The following SFMBT1 variants were observed in gnomAD, a reference collection of about 807,000 sequenced individuals.
SFMBT1 encodes the protein scm-like with four MBT domains protein 1.
Under a neutral mutation model 108.7 loss-of-function variants are expected in SFMBT1, and 32 were observed. The ratio of observed to expected loss-of-function variants is 0.29; its 90% CI spans 0.22 to 0.40. The LOEUF (loss-of-function observed/expected upper bound fraction) is 0.40, where lower values mean the gene tolerates loss of function less well. SFMBT1 is among the 10% of genes least tolerant of loss of function. SFMBT1 has a pLI of 1.00. For synonymous variants in SFMBT1, 348 were observed against 369.5 expected (o/e 0.94, Z 0.67); for missense variants, 816 against 1,059.6 (o/e 0.77, Z 3.19).
intron 6 of SFMBT1, 58 bp downstream of exon 6, chr3:52,932,004 G>A: frequency 6.4e-7 from 1 of 1,555,808 alleles, no homozygotes; most frequent in Non-Finnish European, 8.7e-7. Context: ...CAGCCTCATA[G>A]ATATTAATAA....
At chr3:52,929,827 G>A (rs907498984) in intron 8 of SFMBT1, among the ~76,000 whole-genome samples, 1 of 152,148 alleles carries the variant, frequency 6.6e-6, no homozygotes, top group Non-Finnish European at 1.5e-5. Context: ...GACTGAGCAG[G>A]GCCTTGATAA....
intron 10 of SFMBT1, among the ~76,000 whole-genome samples, chr3:52,924,658 A>AAAC (rs148019673): frequency 1.7e-4 from 26 of 150,672 alleles, no homozygotes; most frequent in African/African-American, 3.7e-4. Flanking sequence ...AACAAAAAAC[A>AAAC]AACAACAACA....
At chr3:52,931,097 G>A in intron 6 of SFMBT1, 62 bp from the exon 7 acceptor site, 2 of 1,464,984 alleles carry the variant, frequency 1.4e-6, no homozygotes, top group South Asian at 1.1e-5. Flanking sequence ...TACCTGTCCT[G>A]AAAGCATTCA....
intron 4 of SFMBT1, among the ~76,000 whole-genome samples, chr3:52,939,769 ATC>A (rs1205386121): frequency 6.6e-6 from 1 of 150,406 alleles, no homozygotes; most frequent in African/African-American, 2.4e-5. Context: ...CCTTTTTTTC[ATC>A]TGTTTTTCTT....
rs376665072 is a variant in SFMBT1 at position 52,965,896 on chromosome 3, C to T, written c.28+3205G>A. 1.6e-3 allele frequency among the ~76,000 whole-genome samples: 230 copies of T among 147,006 alleles called. 4 individuals are homozygous for T. In the South Asian group the frequency reaches 0.047, roughly 30 times the overall value. On this transcript the variant is annotated intron_variant, in intron 2 of 20. Coordinates refer to ENST00000394752, the MANE Select transcript of SFMBT1 (RefSeq NM_016329.4). ...TAGCAGGCACCTGTAGTCCCAGCTACTCGGGAGGCTGAGGCAGGAGAATGG... is the reference window on the plus strand; with the variant it reads ...TAGCAGGCACCTGTAGTCCCAGCTATTCGGGAGGCTGAGGCAGGAGAATGG...
At chr3:52,959,185 C>T (rs1575402763) in intron 2 of SFMBT1, among the ~76,000 whole-genome samples, 1 of 152,238 alleles carries the variant, frequency 6.6e-6, no homozygotes, top group East Asian at 1.9e-4. Flanking sequence ...GGCTTAATAC[C>T]TAGGTGATGA....
At chr3:52,974,781 C>A (rs187536306) in intron 1 of SFMBT1, among the ~76,000 whole-genome samples, 1 of 140,534 alleles carries the variant, frequency 7.1e-6, no homozygotes, top group African/African-American at 2.7e-5. Context: ...CTTGAGCTCA[C>A]GAGTTCGAGA....
chr3:52,982,060 C>T (rs1312591149), intron 1 of SFMBT1, among the ~76,000 whole-genome samples: 1 of 152,252 alleles, frequency 6.6e-6, no homozygotes, highest in African/African-American at 2.4e-5. Flanking sequence ...CAACTCACCC[C>T]ATGAGTTCAA....
At chr3:52,944,285 T>C (rs1393023186) in intron 3 of SFMBT1, among the ~76,000 whole-genome samples, 5 of 152,136 alleles carry the variant, frequency 3.3e-5, no homozygotes, top group African/African-American at 9.7e-5. Context: ...GCCTGTGGTG[T>C]TGGACTGGAA....
At chr3:52,916,301 A>G in intron 13 of SFMBT1, 87 bp from the exon 14 acceptor site, 1 of 1,264,776 alleles carries the variant, frequency 7.9e-7, no homozygotes, top group Admixed American at 1.9e-5. Flanking sequence ...TCTAAGAAGA[A>G]AGCAAATGTG....
At chr3:53,025,444 C>A (rs1413028214) in intron 1 of SFMBT1, among the ~76,000 whole-genome samples, 1 of 151,876 alleles carries the variant, frequency 6.6e-6, no homozygotes, top group Non-Finnish European at 1.5e-5. Context: ...TTTGTCTCTA[C>A]AAAAAATTTT....
chr3:52,922,685 AT>A (rs1702554653), intron 10 of SFMBT1, among the ~76,000 whole-genome samples: 2 of 152,214 alleles, frequency 1.3e-5, no homozygotes, highest in African/African-American at 4.8e-5. Flanking sequence ...TTTAAGAAAC[AT>A]TTAGGTTATG....
intron 1 of SFMBT1, among the ~76,000 whole-genome samples, chr3:53,033,088 G>A (rs1055257390): frequency 2.6e-5 from 4 of 152,082 alleles, no homozygotes; most frequent in African/African-American, 4.8e-5. Flanking sequence ...TAGGAGGATC[G>A]TTTGAGGCCA....
intron 1 of SFMBT1, among the ~76,000 whole-genome samples, chr3:52,974,322 T>C (rs1249698745): frequency 6.6e-6 from 1 of 152,168 alleles, no homozygotes; most frequent in Non-Finnish European, 1.5e-5. Context: ...GCAAATCAGA[T>C]GCTCCATTTT....
intron 3 of SFMBT1, among the ~76,000 whole-genome samples, chr3:52,949,568 CTTTTTTTTTTTTTTTTT>C (rs59842273): frequency 1.7e-4 from 13 of 77,388 alleles, no homozygotes; most frequent in Non-Finnish European, 1.2e-4. Flanking sequence ...TAATGTCCTT[CTTTTTTTTTTTTTTTTT>C]TTTTTTTTTT....
At chr3:53,021,827 C>G (rs2106943725) in intron 1 of SFMBT1, among the ~76,000 whole-genome samples, 1 of 152,260 alleles carries the variant, frequency 6.6e-6, no homozygotes, top group South Asian at 2.1e-4. Flanking sequence ...AAAAAGCACG[C>G]AGAAGGGGAA....
At chr3:52,995,035 GA>G (rs1423086811) in intron 1 of SFMBT1, among the ~76,000 whole-genome samples, 17 of 126,864 alleles carry the variant, frequency 1.3e-4, no homozygotes, top group East Asian at 4.4e-4. Flanking sequence ...AAGAAAGCAA[GA>G]AAAAAAAAAG....
At chr3:52,935,417 G>C (rs1702976719) in intron 4 of SFMBT1, among the ~76,000 whole-genome samples, 1 of 152,170 alleles carries the variant, frequency 6.6e-6, no homozygotes, top group Admixed American at 6.5e-5. Flanking sequence ...ACACTACAAA[G>C]GTAGGGTTTT....
rs71087044 is a variant in SFMBT1, at chr3:52,978,430, A to AC, written c.-130-9173dup. Among the ~76,000 whole-genome samples the AC allele has an allele frequency of 2.2e-3, 331 of 151,972 alleles. 1 individual carries two copies. The highest frequency in any genetic ancestry group is 0.01 in the Middle Eastern group (3 of 294). On this transcript the variant is annotated intron_variant, in intron 1 of 20. Transcript: ENST00000394752. ...GCCACTCCCATGTACCTCTGTGAGT[A>AC]CCCCCCACCTACAGCCCTTAAGGAA...
Sources: gnomAD v4.1 joint callset for allele counts (sites outside exome capture counted in the v4.1 genomes callset) on GRCh38, gnomAD v4.1.1 for gene constraint, MANE v1.5 for transcripts, NCBI Gene and HGNC (gene_info 2026-07-23, HGNC 2026-07-21) for gene names.